Variants in RAB2A observed in about 807,000 individuals in gnomAD.
RAB2A encodes ras-related protein Rab-2A.
Under a neutral mutation model 32.5 loss-of-function variants are expected in RAB2A, and 7 were observed. The ratio of observed to expected loss-of-function variants is 0.22; its 90% CI spans 0.12 to 0.40. The LOEUF (loss-of-function observed/expected upper bound fraction) is 0.40. Ranked by LOEUF, RAB2A falls within the 10% of genes least tolerant of loss-of-function variation. The pLI is 1.00. For missense variants in RAB2A, 108 were observed against 260.7 expected, an observed-to-expected ratio of 0.41 and a Z score of 4.03; for synonymous variants, 79 against 85.2, an observed-to-expected ratio of 0.93 and a Z score of 0.40.
intron 1 of RAB2A, among the ~76,000 whole-genome samples, chr8:60,521,917 A>G (rs1807308369): frequency 6.6e-6 from 1 of 152,118 alleles, no homozygotes. Flanking sequence ...CCACCGCGGC[A>G]AGGCAGCATT....
chr8:60,597,810 A>G (rs970795867), intron 6 of RAB2A, among the ~76,000 whole-genome samples: 6 of 152,228 alleles, frequency 3.9e-5, no homozygotes, highest in African/African-American at 1.4e-4. Context: ...AACTGACAGA[A>G]AAGGTGCAAG....
chr8:60,525,941 G>A (rs1807371303), intron 1 of RAB2A, among the ~76,000 whole-genome samples: 1 of 141,196 alleles, frequency 7.1e-6, no homozygotes, highest in African/African-American at 2.6e-5. Context: ...ATATATATAT[G>A]TCTATATATG....
chr8:60,559,691 G>C (rs1807991680), intron 2 of RAB2A, among the ~76,000 whole-genome samples: 1 of 152,160 alleles, frequency 6.6e-6, no homozygotes, highest in African/African-American at 2.4e-5. Flanking sequence ...TTCTTCTGTG[G>C]CTGTAGCCCA....
chr8:60,601,883 G>T (rs1255424287), intron 6 of RAB2A, among the ~76,000 whole-genome samples: 1 of 152,058 alleles, frequency 6.6e-6, no homozygotes, highest in Non-Finnish European at 1.5e-5. Flanking sequence ...CTGGTGTTAA[G>T]CCTCATTTTA....
chr8:60,593,830 AG>A (rs34525361), intron 6 of RAB2A, among the ~76,000 whole-genome samples: 1 of 152,214 alleles, frequency 6.6e-6, no homozygotes, highest in Non-Finnish European at 1.5e-5. Flanking sequence ...TCAACAAACA[AG>A]GAACATGCTT....
rs71252885 is a variant in RAB2A, at chr8:60,565,676, ATTTTTTTTTTTTTTTTTTTTTTTTTTTT to A, written c.119-6345_119-6318del. ...AGCTCTGAAAAAGTCTCTGTAGCTG[ATTTTTTTTTTTTTTTTTTTTTTTTTTTT>A]TTTTTTTTTTTTTTTTTTTTTTTTG... On this transcript the variant is annotated intron_variant, in intron 2 of 7. Transcript: ENST00000262646. Among the ~76,000 whole-genome samples the A allele has an allele frequency of 5.7e-3, 555 of 97,576 alleles. 1 individual carries two copies. Among genetic ancestry groups the A allele is most frequent in the Non-Finnish European group, 8.5e-3 (405 of 47,644 alleles). 64.0% of individuals were successfully genotyped at this position (97,576 alleles called of 152,430 possible).
chr8:60,572,203 G>A, intron 3 of RAB2A, 90 bp downstream of exon 3: 1 of 942,658 alleles, frequency 1.1e-6, no homozygotes, highest in Non-Finnish European at 1.6e-6. Flanking sequence ...TTATATGCCT[G>A]TTATGGTTTG....
At chr8:60,524,946 G>A (rs1402511960) in intron 1 of RAB2A, among the ~76,000 whole-genome samples, 1 of 152,162 alleles carries the variant, frequency 6.6e-6, no homozygotes. Flanking sequence ...TGGCATTGTG[G>A]TCTGTATAGC....
At chr8:60,549,722 A>T (rs929324072) in intron 1 of RAB2A, among the ~76,000 whole-genome samples, 1 of 151,980 alleles carries the variant, frequency 6.6e-6, no homozygotes, top group Non-Finnish European at 1.5e-5. Flanking sequence ...CCCAGCATAA[A>T]TTTTTTTAAA....
At chr8:60,532,699 A>G (rs1013482260) in intron 1 of RAB2A, among the ~76,000 whole-genome samples, 1 of 152,108 alleles carries the variant, frequency 6.6e-6, no homozygotes, top group African/African-American at 2.4e-5. Context: ...TTGTAGAGAC[A>G]AGGTTTCACT....
intron 1 of RAB2A, chr8:60,552,813 T>C (rs1474110597): frequency 1.3e-5 from 2 of 152,232 alleles, no homozygotes; most frequent in Non-Finnish European, 2.9e-5. Flanking sequence ...CTCTCTCTTA[T>C]CAGTCAACAA....
chr8:60,554,725 C>T (rs1330065539), intron 1 of RAB2A, among the ~76,000 whole-genome samples: 1 of 152,014 alleles, frequency 6.6e-6, no homozygotes, highest in African/African-American at 2.4e-5. Context: ...TGGTGGTATA[C>T]GCTGGTAGTC....
Position 60,517,246 on chromosome 8 carries a change from C to G in RAB2A, c.39C>G (p.Gly13=). Residue 13 remains glycine (G), a synonymous_variant, in exon 1 of 8, where the codon GGC becomes GGG. Coordinates refer to ENST00000262646, the MANE Select transcript of RAB2A (RefSeq NM_002865.3). The part of the protein sequence containing the change: ...YAYLFKYIII[G]DTGVGKSCLL... Reference sequence around the variant, plus strand: ...ATCTCTTCAAGTACATCATAATCGGCGACACAGGTGAGGGCCCCGGGCGCG... The same window carrying G: ...ATCTCTTCAAGTACATCATAATCGGGGACACAGGTGAGGGCCCCGGGCGCG... 2.7e-6 allele frequency: 4 copies of G among 1,488,854 alleles called. No homozygotes were observed. In the South Asian group the frequency reaches 3.8e-5, roughly 14 times the overall value. The allele number at this position is 1,488,854 out of a possible 1,614,324, so 92.2% of individuals were successfully genotyped here.
In RAB2A at chr8:60,572,043, T is replaced by C. The variant is rs1808204046; in HGVS notation, c.119-3T>C. The C allele has an allele frequency of 1.9e-6, 3 of 1,595,194 alleles. No individual in the cohort carries two copies. The highest frequency in any genetic ancestry group is 2.6e-6 in the Non-Finnish European group (3 of 1,164,768). Reference sequence around the variant, plus strand: ...GTAACAAATCATTTCCTACTCTATTTAGGTGTAGAGTTCGGTGCTCGAATG... The same window carrying C: ...GTAACAAATCATTTCCTACTCTATTCAGGTGTAGAGTTCGGTGCTCGAATG... On this transcript the variant is annotated splice_region_variant and splice_polypyrimidine_tract_variant and intron_variant, in intron 2 of 7. Transcript: ENST00000262646.
chr8:60,600,924 G>T (rs183609538), intron 6 of RAB2A, among the ~76,000 whole-genome samples: 73 of 152,318 alleles, frequency 4.8e-4, no homozygotes, highest in African/African-American at 1.7e-3. Flanking sequence ...CTACTGGGGG[G>T]AAACTACATA....
At chr8:60,577,817 G>T (rs9772589) in intron 3 of RAB2A, among the ~76,000 whole-genome samples, 128,050 of 135,648 alleles carry the variant, frequency 0.94, 60,228 homozygotes, top group Middle Eastern at 0.98. Context: ...TTTTTTTTTG[G>T]ATTTTTAGTG....
At chr8:60,572,200 C>A in intron 3 of RAB2A, 87 bp downstream of exon 3, 1 of 1,003,170 alleles carries the variant, frequency 1.0e-6, no homozygotes, top group Non-Finnish European at 1.5e-6. Context: ...TTATTATATG[C>A]CTGTTATGGT....
chr8:60,553,070 G>A (rs1360379733), intron 1 of RAB2A: 1 of 152,196 alleles, frequency 6.6e-6, no homozygotes, highest in Non-Finnish European at 1.5e-5. Context: ...TTCAGTATCT[G>A]GGATAATAAG....
At chr8:60,551,351 G>A (rs890555389) in intron 1 of RAB2A, among the ~76,000 whole-genome samples, 1 of 152,230 alleles carries the variant, frequency 6.6e-6, no homozygotes, top group African/African-American at 2.4e-5. Context: ...ATGGATCATG[G>A]TTCATGCTTT....
Sources: allele counts gnomAD v4.1 joint callset (sites outside exome capture counted in the v4.1 genomes callset), GRCh38; gene constraint gnomAD v4.1.1; transcripts MANE v1.5; gene names NCBI Gene and HGNC (gene_info 2026-07-23, HGNC 2026-07-21).